ZEB1: variants seen among roughly 807,000 people sequenced by gnomAD.
ZEB1 encodes zinc finger E-box-binding homeobox 1.
ZEB1 carries 21 observed loss-of-function variants against 84.9 expected under a neutral mutation model. The observed-to-expected ratio is 0.25, with a 90% CI of 0.18 to 0.36. The LOEUF is 0.36. Among genes scored for constraint, ZEB1 ranks in the 10% least tolerant of loss-of-function variants. The probability of loss-of-function intolerance (pLI) is 1.00; values close to 1 mark genes in which losing one functional copy is unlikely to be tolerated. For missense variants in ZEB1, 1,104 were observed against 1,330.2 expected (o/e 0.83, Z 2.65); for synonymous variants, 420 against 471.1 (o/e 0.89, Z 1.41).
intron 2 of ZEB1, among the ~76,000 whole-genome samples, chr10:31,474,212 G>C (rs1434863010): frequency 6.6e-6 from 1 of 152,008 alleles, no homozygotes; most frequent in Non-Finnish European, 1.5e-5. Context: ...TGACAAATGG[G>C]ATCTAATTAA....
chr10:31,495,888 T>C lies in ZEB1; in HGVS notation c.322+50T>C, dbSNP rs2067154764. 1.9e-6 allele frequency: 3 copies of C among 1,599,982 alleles called. No homozygotes were observed. The South Asian group carries it at 3.3e-5, about 18-fold the overall frequency. ...TACCATAGCCTTTAAAAGAAGGTCT[T>C]TGTGTCACTGATTTCGCATTTGTGA... On this transcript the variant is annotated intron_variant, in intron 3 of 8. Coordinates refer to ENST00000424869, the MANE Select transcript of ZEB1 (RefSeq NM_001174096.2).
At chr10:31,497,431 T>C (rs1372790500) in intron 3 of ZEB1, among the ~76,000 whole-genome samples, 1 of 152,160 alleles carries the variant, frequency 6.6e-6, no homozygotes, top group East Asian at 1.9e-4. Context: ...TAACAAAAGT[T>C]GCTGCTGAAA....
rs577842703 is a variant in ZEB1, at chr10:31,472,457, G to T, written c.259+11220G>T. Among the ~76,000 whole-genome samples, 5 of 152,208 alleles carry T rather than the reference G, an allele frequency of 3.3e-5. No individual in the cohort carries two copies. In the East Asian group the frequency reaches 7.7e-4, roughly 23 times the overall value. ...CTATGCAAATAAAGTAGAAAATCTAGAAGAAATGGATACATTCCTCGACAC... is the reference window on the plus strand; with the variant it reads ...CTATGCAAATAAAGTAGAAAATCTATAAGAAATGGATACATTCCTCGACAC... On this transcript the variant is annotated intron_variant, in intron 2 of 8. Transcript: ENST00000424869.
chr10:31,327,954 C>T (rs891143507), intron 1 of ZEB1, among the ~76,000 whole-genome samples: 7 of 151,962 alleles, frequency 4.6e-5, no homozygotes, highest in Non-Finnish European at 8.8e-5. Flanking sequence ...TTTCCCTTTC[C>T]ATATCTGGCC....
intron 1 of ZEB1, chr10:31,361,091 T>C (rs1344044528): frequency 6.2e-7 from 1 of 1,611,852 alleles, no homozygotes; most frequent in Non-Finnish European, 8.5e-7. Flanking sequence ...ACTTACAAAT[T>C]ACAAGAACGA....
At chr10:31,322,041 C>T (rs1312608056) in intron 1 of ZEB1, 1 of 171,430 alleles carries the variant, frequency 5.8e-6, no homozygotes, top group African/African-American at 2.4e-5. Context: ...ATGCATTACT[C>T]TCAGAAAACA....
chr10:31,463,710 G>A (rs1381310354), intron 2 of ZEB1, among the ~76,000 whole-genome samples: 3 of 152,216 alleles, frequency 2.0e-5, no homozygotes, highest in Non-Finnish European at 4.4e-5. Flanking sequence ...CTGATTTGAA[G>A]TCCAAGTTTA....
chr10:31,415,706 T>C (rs983836098), intron 1 of ZEB1, among the ~76,000 whole-genome samples: 1 of 152,104 alleles, frequency 6.6e-6, no homozygotes, highest in African/African-American at 2.4e-5. Context: ...AAAACTTCAT[T>C]TGAAAGCAAA....
Position 31,505,791 on chromosome 10 carries a change from A to T in ZEB1, c.484+3282A>T, listed in dbSNP as rs190762054. 1.3e-3 allele frequency among the ~76,000 whole-genome samples: 200 copies of T among 151,698 alleles called. 3 individuals carry two copies. Among genetic ancestry groups the T allele is most frequent in the African/African-American group, 4.6e-3 (189 of 41,430 alleles). ...TTATTTCTTTCCTTCTTAAATCCTA[A>T]TTTAGGGTTTGCTTTGTTCTTGCTT... On this transcript the variant is annotated intron_variant, in intron 4 of 8. Coordinates refer to ENST00000424869, the MANE Select transcript of ZEB1 (RefSeq NM_001174096.2).
Position 31,461,088 on chromosome 10 carries a change from A to T in ZEB1, c.110A>T (p.Asp37Val), listed in dbSNP as rs765378809. 1 of 1,613,516 alleles carries T rather than the reference A, an allele frequency of 6.2e-7. No homozygotes were observed. The highest frequency in any genetic ancestry group is 1.1e-5 in the South Asian group (1 of 91,068). The part of the protein sequence containing the change: ...VETNSDSDDE[D>V]KLHIVEEESV... ...ACAAATTCAGATTCAGATGATGAAG[A>T]CAAACTGCATATTGTGGAAGAAGAA... The change falls in exon 2 of 9, where the codon GAC (aspartate) becomes GTC (valine). Residue 37 changes from aspartate to valine, a missense_variant. Coordinates refer to ENST00000424869, the MANE Select transcript of ZEB1 (RefSeq NM_001174096.2).
intron 8 of ZEB1, among the ~76,000 whole-genome samples, chr10:31,524,680 G>A (rs561026890): frequency 9.2e-5 from 14 of 151,510 alleles, no homozygotes; most frequent in South Asian, 2.1e-4. Flanking sequence ...TATTCTGTCC[G>A]CATTCATTTA....
chr10:31,486,380 G>A (rs1385443304), intron 2 of ZEB1, among the ~76,000 whole-genome samples: 1 of 151,594 alleles, frequency 6.6e-6, no homozygotes, highest in African/African-American at 2.4e-5. Flanking sequence ...CATGGCCACA[G>A]GCATTTTGTT....
intron 1 of ZEB1, among the ~76,000 whole-genome samples, chr10:31,348,590 T>C (rs2040750943): frequency 6.6e-6 from 1 of 151,562 alleles, no homozygotes. Context: ...AAAGAAAAAA[T>C]AGAGTCCCAT....
At chr10:31,468,881 T>C (rs1248138905) in intron 2 of ZEB1, among the ~76,000 whole-genome samples, 2 of 152,190 alleles carry the variant, frequency 1.3e-5, no homozygotes, top group Admixed American at 1.3e-4. Context: ...TAGAATGTTG[T>C]GACACCCCTA....
At chr10:31,344,972 C>A (rs2040047298) in intron 1 of ZEB1, among the ~76,000 whole-genome samples, 1 of 152,002 alleles carries the variant, frequency 6.6e-6, no homozygotes, top group Admixed American at 6.6e-5. Context: ...GAGGAGATGT[C>A]TGATATTTTG....
At chr10:31,409,070 C>A (rs2135715202) in intron 1 of ZEB1, among the ~76,000 whole-genome samples, 2 of 152,278 alleles carry the variant, frequency 1.3e-5, no homozygotes, top group East Asian at 3.9e-4. Flanking sequence ...ACAACCCCAT[C>A]AAAAAGTGGG....
chr10:31,437,991 A>G (rs951796997), intron 1 of ZEB1, among the ~76,000 whole-genome samples: 10 of 152,256 alleles, frequency 6.6e-5, no homozygotes, highest in Non-Finnish European at 4.4e-5. Flanking sequence ...AAATTTTTTC[A>G]TAAGATGAGA....
At chr10:31,483,082 G>A (rs1217788624) in intron 2 of ZEB1, among the ~76,000 whole-genome samples, 1 of 151,956 alleles carries the variant, frequency 6.6e-6, no homozygotes, top group Non-Finnish European at 1.5e-5. Flanking sequence ...TTTCTGTTCA[G>A]GCCTGGTTGG....
intron 1 of ZEB1, among the ~76,000 whole-genome samples, chr10:31,348,472 G>A (rs895073995): frequency 2.0e-5 from 3 of 152,170 alleles, no homozygotes; most frequent in African/African-American, 7.2e-5. Context: ...GCTGAGACAG[G>A]AGAATCACTT....
Sources: gnomAD v4.1 joint callset for allele counts (sites outside exome capture counted in the v4.1 genomes callset) on GRCh38, gnomAD v4.1.1 for gene constraint, MANE v1.5 for transcripts, NCBI Gene and HGNC (gene_info 2026-07-23, HGNC 2026-07-21) for gene names.